The following ANKS1B variants were observed in gnomAD, a reference collection of about 807,000 sequenced individuals.
ANKS1B encodes ankyrin repeat and sterile alpha motif domain containing 1B.
In ANKS1B, 36 loss-of-function variants were observed where a neutral mutation model predicts 148.3. The ratio of observed to expected loss-of-function variants is 0.24; its 90% CI spans 0.19 to 0.32. ANKS1B has a LOEUF of 0.32. ANKS1B is among the 10% of genes least tolerant of loss of function. The pLI is 1.00. For missense variants in ANKS1B, 1,157 were observed against 1,542.6 expected (o/e 0.75, Z 4.19); for synonymous variants, 542 against 560.8 (o/e 0.97, Z 0.47).
intron 10 of ANKS1B, among the ~76,000 whole-genome samples, chr12:99,455,838 G>A (rs922908252): frequency 2.0e-5 from 3 of 151,992 alleles, no homozygotes; most frequent in Admixed American, 2.0e-4. Flanking sequence ...TGCTGGCCCT[G>A]GTAGCTGAAG....
intron 9 of ANKS1B, among the ~76,000 whole-genome samples, chr12:99,607,553 C>G (rs1453707365): frequency 6.6e-6 from 1 of 151,922 alleles, no homozygotes; most frequent in African/African-American, 2.4e-5. Flanking sequence ...CATAATCATA[C>G]AGAAAGAAGC....
At chr12:99,214,044 CAGA>C (rs1374811239) in intron 14 of ANKS1B, among the ~76,000 whole-genome samples, 1 of 151,812 alleles carries the variant, frequency 6.6e-6, no homozygotes, top group Non-Finnish European at 1.5e-5. Flanking sequence ...GATTTGGACC[CAGA>C]AGAAGTTTTA....
chr12:99,083,745 C>T (rs2153624832), intron 16 of ANKS1B: 1 of 152,222 alleles, frequency 6.6e-6, no homozygotes, highest in South Asian at 2.1e-4. Flanking sequence ...CTATTTCCCT[C>T]ATACTTCCAG....
intron 9 of ANKS1B, among the ~76,000 whole-genome samples, chr12:99,596,143 C>T (rs935203694): frequency 6.6e-6 from 1 of 151,826 alleles, no homozygotes; most frequent in Non-Finnish European, 1.5e-5. Context: ...CCACAACAAA[C>T]TACCATAAAT....
chr12:99,909,255 T>C (rs898970945), intron 1 of ANKS1B, among the ~76,000 whole-genome samples: 1 of 150,074 alleles, frequency 6.7e-6, no homozygotes, highest in South Asian at 2.1e-4. Context: ...TGTGTGTGTG[T>C]GTGTGTGTGT....
In ANKS1B at chr12:99,434,848, G is replaced by T. The variant is rs1594755040; in HGVS notation, c.1575+8825C>A. On this transcript the variant is annotated intron_variant, in intron 11 of 26. Transcript: ENST00000683438. ...TGAGCCAAACAATGACACCCACTGA[G>T]AATTTTATGCATGTGGGAGAAAAAC... Among the ~76,000 whole-genome samples the T allele has an allele frequency of 2.6e-5, 4 of 151,994 alleles. No individual in the cohort carries two copies. The East Asian group carries it at 7.7e-4, about 29-fold the overall frequency.
At chr12:99,571,668 C>T (rs1306759217) in intron 9 of ANKS1B, among the ~76,000 whole-genome samples, 1 of 152,092 alleles carries the variant, frequency 6.6e-6, no homozygotes, top group African/African-American at 2.4e-5. Context: ...TACTATTATT[C>T]AGAAAATGAT....
At chr12:99,090,623 T>C (rs1382135286) in intron 15 of ANKS1B, among the ~76,000 whole-genome samples, 1 of 152,154 alleles carries the variant, frequency 6.6e-6, no homozygotes, top group Non-Finnish European at 1.5e-5. Context: ...AGTTTGCTTT[T>C]AATATTTAGC....
chr12:99,558,505 C>A (rs1364603230), intron 9 of ANKS1B, among the ~76,000 whole-genome samples: 3 of 152,108 alleles, frequency 2.0e-5, no homozygotes, highest in Non-Finnish European at 4.4e-5. Flanking sequence ...GCCAGCAAAG[C>A]AGCAGTGGGG....
intron 12 of ANKS1B, among the ~76,000 whole-genome samples, chr12:99,327,866 G>A (rs1302342464): frequency 6.6e-6 from 1 of 151,640 alleles, no homozygotes; most frequent in Non-Finnish European, 1.5e-5. Flanking sequence ...CTCTTAATGT[G>A]AACATATATG....
chr12:99,683,694 A>G (rs1219801878), intron 8 of ANKS1B, among the ~76,000 whole-genome samples: 1 of 152,130 alleles, frequency 6.6e-6, no homozygotes, highest in African/African-American at 2.4e-5. Context: ...AAAAACCAAT[A>G]TCCCTTATGA....
chr12:99,532,559 A>C (rs1246454789), intron 9 of ANKS1B, among the ~76,000 whole-genome samples: 2 of 152,060 alleles, frequency 1.3e-5, no homozygotes, highest in East Asian at 3.9e-4. Flanking sequence ...ACGGGGTTTC[A>C]TCGTGTTAGC....
chr12:99,715,584 G>A (rs780524033), intron 8 of ANKS1B, among the ~76,000 whole-genome samples: 4 of 152,208 alleles, frequency 2.6e-5, no homozygotes, highest in South Asian at 2.1e-4. Flanking sequence ...ACACGGATGC[G>A]CATGAAATTT....
intron 15 of ANKS1B, among the ~76,000 whole-genome samples, chr12:99,086,444 T>C (rs1048043095): frequency 1.3e-4 from 20 of 152,280 alleles, no homozygotes; most frequent in African/African-American, 4.6e-4. Context: ...TTGCATGCCA[T>C]GCTGAGGGCT....
At chr12:99,490,568 T>C (rs1404279822) in intron 10 of ANKS1B, among the ~76,000 whole-genome samples, 1 of 152,236 alleles carries the variant, frequency 6.6e-6, no homozygotes, top group Non-Finnish European at 1.5e-5. Context: ...CTTTTCCCTT[T>C]TTGTATAAAT....
intron 9 of ANKS1B, among the ~76,000 whole-genome samples, chr12:99,613,030 G>A (rs191318274): frequency 6.6e-6 from 1 of 152,204 alleles, no homozygotes. Context: ...TCAAATATCT[G>A]TGGCACAGCA....
intron 17 of ANKS1B, among the ~76,000 whole-genome samples, chr12:98,887,138 C>T (rs2099741889): frequency 6.6e-6 from 1 of 152,088 alleles, no homozygotes; most frequent in Non-Finnish European, 1.5e-5. Flanking sequence ...TAAACACAGG[C>T]AATATAAATT....
chr12:99,465,360 G>A (rs1182430996), intron 10 of ANKS1B, among the ~76,000 whole-genome samples: 7 of 152,146 alleles, frequency 4.6e-5, no homozygotes, highest in Non-Finnish European at 8.8e-5. Flanking sequence ...AAAGACCATC[G>A]AGGCTAGGAA....
At chr12:99,030,280 T>C (rs1213334707) in intron 17 of ANKS1B, among the ~76,000 whole-genome samples, 1 of 152,102 alleles carries the variant, frequency 6.6e-6, no homozygotes, top group African/African-American at 2.4e-5. Flanking sequence ...GGGAAATAGG[T>C]GCCACATGCT....
Sources: gnomAD v4.1 joint callset for allele counts (sites outside exome capture counted in the v4.1 genomes callset) on GRCh38, gnomAD v4.1.1 for gene constraint, MANE v1.5 for transcripts, NCBI Gene and HGNC (gene_info 2026-07-23, HGNC 2026-07-21) for gene names.